FZD3: variants seen among roughly 807,000 people sequenced by gnomAD.
FZD3 encodes frizzled-3.
Under a neutral mutation model 60.7 loss-of-function variants are expected in FZD3, and 30 were observed. The observed-to-expected ratio is 0.49, with a 90% CI of 0.37 to 0.67. The LOEUF is 0.67. Ranked by LOEUF, FZD3 falls within the 30% of genes least tolerant of loss-of-function variation. The pLI, the probability that FZD3 is intolerant of heterozygous loss-of-function variation, is 0.00. For missense variants in FZD3, 605 were observed against 838.7 expected, an observed-to-expected ratio of 0.72 and a Z score of 3.44; for synonymous variants, 246 against 275.2, an observed-to-expected ratio of 0.89 and a Z score of 1.05.
chr8:28,534,020 T>C (rs1804946503), intron 5 of FZD3, among the ~76,000 whole-genome samples: 3 of 152,348 alleles, frequency 2.0e-5, no homozygotes, highest in Middle Eastern at 3.4e-3. Context: ...AAATCTGTGA[T>C]TGCTGATATC....
intron 7 of FZD3, among the ~76,000 whole-genome samples, chr8:28,558,989 T>C (rs1805566300): frequency 6.6e-6 from 1 of 152,140 alleles, no homozygotes; most frequent in African/African-American, 2.4e-5. Flanking sequence ...GGAATATAAT[T>C]AAGACAGTGA....
In FZD3 at chr8:28,556,563, A is replaced by G. The variant is rs373296805; in HGVS notation, c.1787+592A>G. Among the ~76,000 whole-genome samples, 15 of 152,358 alleles carry G rather than the reference A, an allele frequency of 9.8e-5. 1 individual carries two copies. The East Asian group carries it at 1.9e-3, about 20-fold the overall frequency. On this transcript the variant is annotated intron_variant, in intron 7 of 7. Transcript: ENST00000240093. Reference sequence around the variant, plus strand: ...TATTGTAATTGACAATTGAACTAACACATAAGTATGACAGTATAGTTCAGG... The same window carrying G: ...TATTGTAATTGACAATTGAACTAACGCATAAGTATGACAGTATAGTTCAGG...
chr8:28,536,340 G>A (rs1805011998), intron 5 of FZD3, among the ~76,000 whole-genome samples: 1 of 152,142 alleles, frequency 6.6e-6, no homozygotes, highest in Non-Finnish European at 1.5e-5. Flanking sequence ...TAACAGAAAT[G>A]TGTTACCATA....
At chr8:28,555,383 C>T (rs1236246545) in intron 6 of FZD3, among the ~76,000 whole-genome samples, 1 of 151,974 alleles carries the variant, frequency 6.6e-6, no homozygotes, top group Non-Finnish European at 1.5e-5. Context: ...CTGAAAGGGA[C>T]CTTTTAGAAA....
At chr8:28,518,194 G>C (rs1804483014) in intron 3 of FZD3, among the ~76,000 whole-genome samples, 1 of 151,130 alleles carries the variant, frequency 6.6e-6, no homozygotes. Context: ...AAGTAGCTGG[G>C]ACTACAGGCA....
Position 28,567,214 on chromosome 8 carries a change from C to T in FZD3, c.*4203C>T. The stretch of plus-strand genomic sequence containing the variant: ...TGTTGCCCAGGCTGGAGTGCAGTGG[C>T]ACAATCTCAGCTCACTGCAACCTCC... On this transcript the variant is annotated 3_prime_UTR_variant, in exon 8 of 8. Coordinates refer to ENST00000240093, the MANE Select transcript of FZD3 (RefSeq NM_017412.4). 1 of 152,710 alleles carries T rather than the reference C, an allele frequency of 6.5e-6. No homozygotes were observed. The highest frequency in any genetic ancestry group is 1.5e-5 in the Non-Finnish European group (1 of 68,450). The allele number at this position is 152,710 out of a possible 1,614,324, so 9.5% of individuals were successfully genotyped here.
At chr8:28,538,759 G>T (rs10092047) in intron 5 of FZD3, among the ~76,000 whole-genome samples, 1 of 151,746 alleles carries the variant, frequency 6.6e-6, no homozygotes, top group African/African-American at 2.4e-5. Context: ...AATATTAAAT[G>T]AATCTAGAAA....
Position 28,569,047 on chromosome 8 carries a change from A to C in FZD3, c.*6036A>C, listed in dbSNP as rs1435689945. On this transcript the variant is annotated 3_prime_UTR_variant, in exon 8 of 8. Coordinates refer to ENST00000240093, the MANE Select transcript of FZD3 (RefSeq NM_017412.4). Reference sequence around the variant, plus strand: ...AAAGTTAGTTTTTAAAGTTTTTTTAAGGTTGATATTTTATCATATTCCTGG... The same window carrying C: ...AAAGTTAGTTTTTAAAGTTTTTTTACGGTTGATATTTTATCATATTCCTGG... The C allele has an allele frequency of 6.6e-6, 1 of 152,042 alleles. No individual in the cohort carries two copies. The highest frequency in any genetic ancestry group is 1.5e-5 in the Non-Finnish European group (1 of 67,978). The allele number at this position is 152,042 out of a possible 1,614,324, so 9.4% of individuals were successfully genotyped here.
At chr8:28,553,858 C>G (rs952694059) in intron 6 of FZD3, among the ~76,000 whole-genome samples, 14 of 152,206 alleles carry the variant, frequency 9.2e-5, no homozygotes, top group African/African-American at 3.1e-4. Context: ...ACATTTAATA[C>G]TCAAAGCACT....
At chr8:28,504,734 C>A (rs1804091433) in intron 3 of FZD3, among the ~76,000 whole-genome samples, 1 of 152,188 alleles carries the variant, frequency 6.6e-6, no homozygotes, top group Non-Finnish European at 1.5e-5. Flanking sequence ...AATATTAATT[C>A]TACTCCAAAT....
At position 28,566,140 on chromosome 8, in the gene FZD3, C is replaced by G. The variant is rs1380332603; in HGVS notation, c.*3129C>G. ...TTCATGTCACACAACTTGCTTTTACCCTAGTACTGAGTCTCACATCAAAGA... is the reference window on the plus strand; with the variant it reads ...TTCATGTCACACAACTTGCTTTTACGCTAGTACTGAGTCTCACATCAAAGA... On this transcript the variant is annotated 3_prime_UTR_variant, in exon 8 of 8. Coordinates refer to ENST00000240093, the MANE Select transcript of FZD3 (RefSeq NM_017412.4). 1 of 151,994 alleles carries G rather than the reference C, an allele frequency of 6.6e-6. No homozygotes were observed. Among genetic ancestry groups the G allele is most frequent in the East Asian group, 1.9e-4 (1 of 5,192 alleles). The allele number at this position is 151,994 out of a possible 1,614,324, so 9.4% of individuals were successfully genotyped here. A position where few individuals can be genotyped will look rare whatever the true frequency, so the allele number is the denominator to read the frequency against.
chr8:28,568,840 C>T lies in FZD3; in HGVS notation c.*5829C>T, dbSNP rs1271214793. 8 of 152,026 alleles carry T rather than the reference C, an allele frequency of 5.3e-5. No individual in the cohort carries two copies. The highest frequency in any genetic ancestry group is 1.9e-4 in the African/African-American group (8 of 41,416). The allele number at this position is 152,026 out of a possible 1,614,324, so 9.4% of individuals were successfully genotyped here. A position where few individuals can be genotyped will look rare whatever the true frequency, so the allele number is the denominator to read the frequency against. The stretch of plus-strand genomic sequence containing the variant: ...GATTACTTTTTAAATCATCATCTGC[C>T]TCAGGAAATTCTTTCTTGAATTTTT... On this transcript the variant is annotated 3_prime_UTR_variant, in exon 8 of 8. Coordinates refer to ENST00000240093, the MANE Select transcript of FZD3 (RefSeq NM_017412.4).
At chr8:28,544,444 C>A (rs1805248527) in intron 5 of FZD3, among the ~76,000 whole-genome samples, 1 of 151,966 alleles carries the variant, frequency 6.6e-6, no homozygotes, top group Non-Finnish European at 1.5e-5. Context: ...TTATGATATT[C>A]ACTATATACT....
chr8:28,510,917 A>G (rs1804269550), intron 3 of FZD3, among the ~76,000 whole-genome samples: 1 of 151,562 alleles, frequency 6.6e-6, no homozygotes, highest in Non-Finnish European at 1.5e-5. Flanking sequence ...GGCACATGTA[A>G]TCCCAGCTAC....
intron 5 of FZD3, among the ~76,000 whole-genome samples, chr8:28,547,684 G>A (rs1317554177): frequency 6.6e-6 from 1 of 151,956 alleles, no homozygotes; most frequent in Non-Finnish European, 1.5e-5. Flanking sequence ...ATTTTTCTTC[G>A]GGTCATGGGC....
chr8:28,522,329 C>CA (rs1345133000), intron 4 of FZD3, among the ~76,000 whole-genome samples: 1 of 150,958 alleles, frequency 6.6e-6, no homozygotes, highest in Non-Finnish European at 1.5e-5. Context: ...TGCTTGAAGT[C>CA]ACAGTTTACA....
At chr8:28,510,356 T>C (rs1270973734) in intron 3 of FZD3, among the ~76,000 whole-genome samples, 3 of 152,246 alleles carry the variant, frequency 2.0e-5, no homozygotes, top group African/African-American at 7.2e-5. Context: ...TAAATGTATG[T>C]GTTACTTTCC....
intron 6 of FZD3, among the ~76,000 whole-genome samples, chr8:28,554,886 G>A (rs1786078851): frequency 6.6e-6 from 1 of 152,034 alleles, no homozygotes; most frequent in South Asian, 2.1e-4. Flanking sequence ...AAATGAAATT[G>A]ATTATCTAAT....
intron 3 of FZD3, among the ~76,000 whole-genome samples, chr8:28,520,026 A>G (rs949840627): frequency 1.8e-4 from 28 of 152,128 alleles, no homozygotes; most frequent in African/African-American, 6.0e-4. Flanking sequence ...CCTGGCCAAC[A>G]TGGGGAAACC....
Sources: gnomAD v4.1 joint callset for allele counts (sites outside exome capture counted in the v4.1 genomes callset) on GRCh38, gnomAD v4.1.1 for gene constraint, MANE v1.5 for transcripts, NCBI Gene and HGNC (gene_info 2026-07-23, HGNC 2026-07-21) for gene names.